The following COL18A1 variants were observed in gnomAD, a reference collection of about 807,000 sequenced individuals.
COL18A1 encodes the protein collagen alpha-1(XVIII) chain.
Under a neutral mutation model 168.0 loss-of-function variants are expected in COL18A1, and 133 were observed. The observed-to-expected ratio is 0.79, with a 90% CI of 0.69 to 0.91. The LOEUF (loss-of-function observed/expected upper bound fraction) is 0.91. Among genes scored for constraint, COL18A1 ranks in the 40% least tolerant of loss-of-function variants. The pLI is 0.00. For synonymous variants in COL18A1, 949 were observed against 809.0 expected, an observed-to-expected ratio of 1.17 and a Z score of -2.94; for missense variants, 2,126 against 1,925.4, an observed-to-expected ratio of 1.10 and a Z score of -1.95.
rs371767810 is a variant in COL18A1, at chr21:45,477,494, C to T, written c.1005+7C>T. 5.0e-6 allele frequency: 8 copies of T among 1,603,888 alleles called. No individual in the cohort carries two copies. In the African/African-American group the frequency reaches 1.1e-4, roughly 21 times the overall value. ...TGGGGGCCGCGTGAAAGAGGTAAGG[C>T]CACCTCCCTGTGCTCCTGAACCATT... is the stretch of plus-strand genomic sequence containing the variant. On this transcript the variant is annotated splice_region_variant and intron_variant, in intron 7 of 41. Coordinates refer to ENST00000651438, the MANE Select transcript of COL18A1 (RefSeq NM_001379500.1).
chr21:45,505,901 C>T lies in COL18A1; in HGVS notation c.3151C>T (p.Leu1051Phe). The change falls in exon 37 of 42, where the codon CTC becomes TTC. Residue 1051 changes from leucine to phenylalanine, a missense_variant. Transcript: ENST00000651438. ...GGTGCACGAGGTTCCCGAGGGCTGG[C>T]TCATCTTCGTGGCCGAGCAGGAGGA... ...GQVHEVPEGW[L>F]IFVAEQEELY... The T allele has an allele frequency of 1.2e-6, 2 of 1,613,014 alleles. No individual in the cohort carries two copies. The highest frequency in any genetic ancestry group is 1.7e-6 in the Non-Finnish European group (2 of 1,179,964).
At chr21:45,507,327 CAGGGCCGGGTGCTGGGCAGGG>C (rs932300432) in intron 37 of COL18A1, 14 of 377,208 alleles carry the variant, frequency 3.7e-5, no homozygotes, top group Middle Eastern at 1.3e-3. Flanking sequence ...TGTGGGCTGG[CAGGGCCGGGTGCTGGGCAGGG>C]AGGGCACCCT....
intron 2 of COL18A1, among the ~76,000 whole-genome samples, chr21:45,462,008 C>T (rs867378126): frequency 1.3e-5 from 2 of 152,156 alleles, no homozygotes; most frequent in African/African-American, 4.8e-5. Flanking sequence ...ATTTCTCCCT[C>T]ACTTTTGAAG....
intron 38 of COL18A1, 72 bp downstream of exon 38, chr21:45,507,665 G>A (rs2037303244): frequency 2.1e-6 from 3 of 1,420,016 alleles, no homozygotes; most frequent in Admixed American, 3.6e-5. Flanking sequence ...TCCCCTGTTT[G>A]AGGAACAACA....
At chr21:45,411,773 G>T (rs969434956) in intron 2 of COL18A1, among the ~76,000 whole-genome samples, 41 of 134,486 alleles carry the variant, frequency 3.0e-4, no homozygotes, top group African/African-American at 8.3e-4. Context: ...GGGTGGGGGG[G>T]GGGCAGGCTG....
intron 20 of COL18A1, 120 bp downstream of exon 20, chr21:45,490,466 G>GTGGGTTCCTGGGTCTCCGTGTGTCCCTCC (rs2036279853): frequency 1.2e-4 from 79 of 659,576 alleles, no homozygotes; most frequent in African/African-American, 4.7e-4. Context: ...ATGTGCCCTC[G>GTGGGTTCCTGGGTCTCCGTGTGTCCCTCC]TGGGTCCCTG....
At chr21:45,427,144 C>T (rs144875811) in intron 2 of COL18A1, among the ~76,000 whole-genome samples, 2 of 152,214 alleles carry the variant, frequency 1.3e-5, no homozygotes, top group African/African-American at 4.8e-5. Context: ...ACTGGAATAT[C>T]TGGACTCAGT....
At chr21:45,434,530 G>A (rs1190840529) in intron 2 of COL18A1, among the ~76,000 whole-genome samples, 3 of 152,314 alleles carry the variant, frequency 2.0e-5, no homozygotes, top group African/African-American at 4.8e-5. Context: ...AGGGCTTCCC[G>A]TGGCTCTGTG....
rs1602566126 is a variant in COL18A1, at chr21:45,498,194, G to A, written c.2683+533G>A. ...TGTCCTGCCAAGACCACTGAGAACA[G>A]CTGGATAAAATGTGAGAAAACCACT... is the stretch of plus-strand genomic sequence containing the variant. On this transcript the variant is annotated intron_variant, in intron 32 of 41. Coordinates refer to ENST00000651438, the MANE Select transcript of COL18A1 (RefSeq NM_001379500.1). The surrounding 1 kb of genome is among the most constrained non-coding windows in gnomAD (Gnocchi z 4.5). 3 of 698,078 alleles carry A rather than the reference G, an allele frequency of 4.3e-6. No individual in the cohort carries two copies. The East Asian group carries it at 8.1e-5, about 19-fold the overall frequency. The allele number at this position is 698,078 out of a possible 1,614,324, so 43.2% of individuals were successfully genotyped here.
chr21:45,454,239 A>C (rs1426261293), intron 2 of COL18A1, among the ~76,000 whole-genome samples: 1 of 152,180 alleles, frequency 6.6e-6, no homozygotes, highest in Admixed American at 6.5e-5. Context: ...GGTCCCAAGC[A>C]GCCCAGCCCT....
intron 2 of COL18A1, among the ~76,000 whole-genome samples, chr21:45,416,508 C>T (rs1296120915): frequency 6.6e-6 from 1 of 152,186 alleles, no homozygotes; most frequent in African/African-American, 2.4e-5. Flanking sequence ...GGTGTTGAAC[C>T]TGAGGACAGT....
At chr21:45,407,422 G>C (rs111353192) in intron 2 of COL18A1, 230 of 152,394 alleles carry the variant, frequency 1.5e-3, no homozygotes, top group African/African-American at 5.2e-3. Flanking sequence ...CTGTGATGCT[G>C]AGGTTCTTGA....
chr21:45,411,765 G>T (rs1371126420), intron 2 of COL18A1, among the ~76,000 whole-genome samples: 9 of 127,290 alleles, frequency 7.1e-5, no homozygotes, highest in Non-Finnish European at 6.6e-5. Context: ...ATGGCGGGGG[G>T]TGGGGGGGGG....
intron 2 of COL18A1, among the ~76,000 whole-genome samples, chr21:45,412,567 A>C (rs2033330294): frequency 6.6e-6 from 1 of 151,734 alleles, no homozygotes; most frequent in South Asian, 2.1e-4. Context: ...TAATGTGTGG[A>C]GTTGTTTTTC....
At chr21:45,414,471 A>G (rs1223805867) in intron 2 of COL18A1, among the ~76,000 whole-genome samples, 1 of 152,250 alleles carries the variant, frequency 6.6e-6, no homozygotes, top group Non-Finnish European at 1.5e-5. Context: ...TTTGGAAACC[A>G]GGAAGACCAC....
intron 3 of COL18A1, among the ~76,000 whole-genome samples, chr21:45,470,055 G>C (rs1377883746): frequency 1.3e-5 from 2 of 152,276 alleles, no homozygotes; most frequent in Admixed American, 1.3e-4. Flanking sequence ...AACACTGTTA[G>C]GAAAAGCGGC....
chr21:45,495,074 T>C, intron 28 of COL18A1, 159 bp downstream of exon 28: 1 of 712,804 alleles, frequency 1.4e-6, no homozygotes, highest in Non-Finnish European at 2.4e-6. Flanking sequence ...GCTCTTGTCC[T>C]GGATGTGGCT....
intron 2 of COL18A1, among the ~76,000 whole-genome samples, chr21:45,411,293 G>A (rs1445005166): frequency 2.6e-5 from 4 of 152,172 alleles, no homozygotes; most frequent in African/African-American, 9.6e-5. Context: ...GGCTAAAGAG[G>A]CCAGCAGGAT....
chr21:45,501,710 ACCTCCCTCTGC>A (rs1362141893), intron 32 of COL18A1, among the ~76,000 whole-genome samples: 56 of 140,058 alleles, frequency 4.0e-4, no homozygotes, highest in East Asian at 6.5e-4. Flanking sequence ...ACAGCCGGTC[ACCTCCCTCTGC>A]AGAAGGACCC....
Sources: gnomAD v4.1 joint callset for allele counts (sites outside exome capture counted in the v4.1 genomes callset) on GRCh38, gnomAD v4.1.1 for gene constraint, Gnocchi (gnomAD v3.1) non-coding constraint, MANE v1.5 for transcripts, NCBI Gene and HGNC (gene_info 2026-07-23, HGNC 2026-07-21) for gene names.